The following MCTP1 variants were observed in gnomAD, a reference collection of about 807,000 sequenced individuals.
The protein encoded by MCTP1 is multiple C2 and transmembrane domain containing 1.
Under a neutral mutation model 120.6 loss-of-function variants are expected in MCTP1, and 69 were observed. The ratio of observed to expected loss-of-function variants is 0.57; its 90% CI spans 0.47 to 0.70. MCTP1 has a LOEUF of 0.70. Ranked by LOEUF, MCTP1 falls within the 30% of genes least tolerant of loss-of-function variation. MCTP1 has a pLI of 0.00. For missense variants in MCTP1, 1,203 were observed against 1,248.8 expected, an observed-to-expected ratio of 0.96 and a Z score of 0.55; for synonymous variants, 529 against 493.1, an observed-to-expected ratio of 1.07 and a Z score of -0.96.
At chr5:94,865,449 G>A (rs1017839600) in intron 17 of MCTP1, among the ~76,000 whole-genome samples, 4 of 151,662 alleles carry the variant, frequency 2.6e-5, no homozygotes, top group Admixed American at 2.6e-4. Flanking sequence ...GTGAGGCAGT[G>A]GCATTTATAA....
Position 94,751,972 on chromosome 5 carries a change from G to C in MCTP1, c.2610+27138C>G, listed in dbSNP as rs556352718. 3.1e-4 allele frequency among the ~76,000 whole-genome samples: 46 copies of C among 147,118 alleles called. 2 individuals are homozygous for C. Among genetic ancestry groups the C allele is most frequent in the South Asian group, 6.6e-4 (3 of 4,536 alleles). On this transcript the variant is annotated intron_variant, in intron 19 of 22. Transcript: ENST00000515393. Reference sequence around the variant, plus strand: ...GGGGACTGTTGTGGGGTGCAGGGAGGGGGGAGGGTTAGCATTGGGAGATAT... The same window carrying C: ...GGGGACTGTTGTGGGGTGCAGGGAGCGGGGAGGGTTAGCATTGGGAGATAT...
intron 8 of MCTP1, 28 bp downstream of exon 8, chr5:94,917,868 A>C: frequency 6.3e-7 from 1 of 1,597,600 alleles, no homozygotes; most frequent in Non-Finnish European, 8.6e-7. Flanking sequence ...CTCAGAAAAA[A>C]ATAAATGAAC....
chr5:94,886,601 G>A (rs988539578), intron 12 of MCTP1, among the ~76,000 whole-genome samples: 1 of 152,136 alleles, frequency 6.6e-6, no homozygotes, highest in African/African-American at 2.4e-5. Flanking sequence ...TCTTGCCTTA[G>A]CACAGACAGT....
chr5:95,206,161 T>C (rs1416353806), intron 1 of MCTP1, among the ~76,000 whole-genome samples: 1 of 152,176 alleles, frequency 6.6e-6, no homozygotes, highest in Admixed American at 6.5e-5. Context: ...TAAAACATGG[T>C]ATATTCATAT....
chr5:95,047,191 T>C (rs1179473087), intron 1 of MCTP1, among the ~76,000 whole-genome samples: 1 of 152,182 alleles, frequency 6.6e-6, no homozygotes, highest in Non-Finnish European at 1.5e-5. Flanking sequence ...GAAGACCGTT[T>C]GCTTTCCCAT....
In MCTP1 at chr5:94,953,121, T is replaced by C. The variant is rs943620381; in HGVS notation, c.981+98A>G. ...AGTGGCGAAGAGCAGAACACATCTCTGGTGAAAACTCTCATCAGACAAAGA... is the reference window on the plus strand; with the variant it reads ...AGTGGCGAAGAGCAGAACACATCTCCGGTGAAAACTCTCATCAGACAAAGA... On this transcript the variant is annotated intron_variant, in intron 3 of 22. Coordinates refer to ENST00000515393, the MANE Select transcript of MCTP1 (RefSeq NM_024717.7). 8 of 1,099,678 alleles carry C rather than the reference T, an allele frequency of 7.3e-6. No homozygotes were observed. In the African/African-American group the frequency reaches 9.6e-5, roughly 13 times the overall value. The allele number at this position is 1,099,678 out of a possible 1,614,324, so 68.1% of individuals were successfully genotyped here. A position where few individuals can be genotyped will look rare whatever the true frequency, so the allele number is the denominator to read the frequency against.
At chr5:95,273,402 CTA>C (rs1180279085) in intron 1 of MCTP1, among the ~76,000 whole-genome samples, 1 of 152,190 alleles carries the variant, frequency 6.6e-6, no homozygotes, top group Non-Finnish European at 1.5e-5. Flanking sequence ...TTGCAGCACA[CTA>C]CCTTGATTAA....
intron 19 of MCTP1, among the ~76,000 whole-genome samples, chr5:94,716,259 C>T (rs904833612): frequency 6.6e-6 from 1 of 152,126 alleles, no homozygotes; most frequent in Non-Finnish European, 1.5e-5. Context: ...GTCAATTAGA[C>T]GAGACGCATA....
At chr5:94,961,106 G>A (rs1301624391) in intron 2 of MCTP1, among the ~76,000 whole-genome samples, 1 of 152,156 alleles carries the variant, frequency 6.6e-6, no homozygotes, top group Non-Finnish European at 1.5e-5. Flanking sequence ...AAAAGAATGA[G>A]TTCATGTCCT....
Position 94,942,380 on chromosome 5 carries a change from G to T in MCTP1, c.1029C>A (p.Ala343=), listed in dbSNP as rs142378017. 9 of 1,611,394 alleles carry T rather than the reference G, an allele frequency of 5.6e-6. No homozygotes were observed. The Admixed American group carries it at 1.3e-4, about 24-fold the overall frequency. Residue 343 remains alanine, a synonymous_variant, in exon 4 of 23, where the codon GCC becomes GCA. Coordinates refer to ENST00000515393, the MANE Select transcript of MCTP1 (RefSeq NM_024717.7). ...FGLQDDFMGS[A]FLDLTQLELN... is the part of the protein sequence containing the mutation. ...ACTCCAATTGTGTCAGATCCAGAAA[G>T]GCTGAGCCCATAAAGTCATCCTGTA...
At chr5:95,196,982 T>C (rs1168078660) in intron 1 of MCTP1, among the ~76,000 whole-genome samples, 2 of 152,204 alleles carry the variant, frequency 1.3e-5, no homozygotes, top group African/African-American at 2.4e-5. Context: ...AGAGCTTCAA[T>C]AAAGACCCTC....
intron 18 of MCTP1, among the ~76,000 whole-genome samples, chr5:94,789,879 A>G (rs575015954): frequency 6.6e-6 from 1 of 152,336 alleles, no homozygotes; most frequent in South Asian, 2.1e-4. Flanking sequence ...AATTTTGCAT[A>G]AAAATTAGAT....
intron 1 of MCTP1, among the ~76,000 whole-genome samples, chr5:95,116,711 T>C (rs1757850494): frequency 6.6e-6 from 1 of 152,202 alleles, no homozygotes; most frequent in Admixed American, 6.5e-5. Context: ...TCTGGTTTTC[T>C]TGAGTGGTGG....
At chr5:95,250,432 G>A (rs558987209) in intron 1 of MCTP1, among the ~76,000 whole-genome samples, 3 of 152,102 alleles carry the variant, frequency 2.0e-5, no homozygotes, top group Non-Finnish European at 4.4e-5. Flanking sequence ...AAACTGTGGT[G>A]GCTAACTGGT....
In MCTP1 at chr5:94,802,835, C is replaced by T. The variant is rs1781494377; in HGVS notation, c.2437-3703G>A. Reference sequence around the variant, plus strand: ...CTAGCATTTGTCCAGATCTGCATTTCTGGAATTGCTTTTTGCCTCTGTGGG... The same window carrying T: ...CTAGCATTTGTCCAGATCTGCATTTTTGGAATTGCTTTTTGCCTCTGTGGG... On this transcript the variant is annotated intron_variant, in intron 17 of 22. Coordinates refer to ENST00000515393, the MANE Select transcript of MCTP1 (RefSeq NM_024717.7). 2.0e-5 allele frequency among the ~76,000 whole-genome samples: 3 copies of T among 152,198 alleles called. No individual in the cohort carries two copies. In the South Asian group the frequency reaches 6.2e-4, roughly 31 times the overall value.
chr5:94,925,599 C>T lies in MCTP1; in HGVS notation c.1213-1578G>A, dbSNP rs183838144. ...AATTATTTGTATTTTTTAGTAGAGA[C>T]GGGGTTTCACTGTGTTAGCCAGAAT... On this transcript the variant is annotated intron_variant, in intron 6 of 22. Transcript: ENST00000515393. Among the ~76,000 whole-genome samples the T allele has an allele frequency of 3.9e-5, 6 of 152,120 alleles. 1 individual carries two copies. The East Asian group carries it at 9.7e-4, about 25-fold the overall frequency.
At chr5:95,203,685 A>G (rs959431803) in intron 1 of MCTP1, among the ~76,000 whole-genome samples, 1 of 152,256 alleles carries the variant, frequency 6.6e-6, no homozygotes, top group East Asian at 1.9e-4. Context: ...GAAAGCCAGT[A>G]AAACAAAGTT....
chr5:94,996,003 C>T (rs1309487980), intron 2 of MCTP1, among the ~76,000 whole-genome samples: 1 of 152,080 alleles, frequency 6.6e-6, no homozygotes, highest in African/African-American at 2.4e-5. Context: ...TAAAATTATT[C>T]TTTTTGGTTC....
intron 1 of MCTP1, among the ~76,000 whole-genome samples, chr5:95,044,860 G>A (rs1842915703): frequency 6.6e-6 from 1 of 151,890 alleles, no homozygotes; most frequent in Non-Finnish European, 1.5e-5. Flanking sequence ...GTGAATCAGG[G>A]CAGCAGACTT....
Sources: allele counts gnomAD v4.1 joint callset (sites outside exome capture counted in the v4.1 genomes callset), GRCh38; gene constraint gnomAD v4.1.1; transcripts MANE v1.5; gene names NCBI Gene and HGNC (gene_info 2026-07-23, HGNC 2026-07-21).